The following SGCD variants were observed in gnomAD, a reference collection of about 807,000 sequenced individuals.
The protein encoded by SGCD is delta-sarcoglycan.
In SGCD, 18 loss-of-function variants were observed where a neutral mutation model predicts 36.6. The ratio of observed to expected loss-of-function variants is 0.49; its 90% CI spans 0.34 to 0.73. The LOEUF is 0.73. SGCD is among the 30% of genes least tolerant of loss of function. The pLI, the probability that SGCD is intolerant of heterozygous loss-of-function variation, is 0.01. For synonymous variants in SGCD, 133 were observed against 130.6 expected (o/e 1.02, Z -0.12); for missense variants, 387 against 346.7 (o/e 1.12, Z -0.92).
At chr5:156,140,993 G>A (rs1762566948) in intron 3 of SGCD, among the ~76,000 whole-genome samples, 1 of 152,174 alleles carries the variant, frequency 6.6e-6, no homozygotes, top group Non-Finnish European at 1.5e-5. Context: ...CTTGAGGCTT[G>A]CTGCCCAGGG....
At chr5:156,709,273 C>T (rs1188968010) in intron 7 of SGCD, among the ~76,000 whole-genome samples, 1 of 152,168 alleles carries the variant, frequency 6.6e-6, no homozygotes, top group Non-Finnish European at 1.5e-5. Context: ...AGAGTATTTC[C>T]ACTGTGAGCA....
chr5:155,849,142 T>C, the SGCD span, among the ~76,000 whole-genome samples: 16 of 152,292 alleles, frequency 1.1e-4, no homozygotes, highest in South Asian at 3.3e-3. Flanking sequence ...CCTCAAGTTC[T>C]GCACATTTAA....
intron 7 of SGCD, among the ~76,000 whole-genome samples, chr5:156,677,892 GCCAGAAAGAGTGAAACACCTATCT>G (rs778765199): frequency 4.6e-5 from 7 of 152,128 alleles, no homozygotes; most frequent in Admixed American, 6.5e-5. Flanking sequence ...ACTAGAAATA[GCCAGAAAGAGTGAAACACCTATCT>G]CCATGGCCTT....
At chr5:156,212,066 T>C (rs1169877223) in intron 3 of SGCD, among the ~76,000 whole-genome samples, 4 of 152,002 alleles carry the variant, frequency 2.6e-5, no homozygotes, top group Admixed American at 2.0e-4. Context: ...AATCACCTAA[T>C]CACAAAGGAA....
At chr5:156,459,386 C>G (rs1754390559) in intron 3 of SGCD, among the ~76,000 whole-genome samples, 1 of 152,154 alleles carries the variant, frequency 6.6e-6, no homozygotes, top group African/African-American at 2.4e-5. Flanking sequence ...CTTCTGTGTG[C>G]ATGAGAATCA....
At chr5:156,437,458 G>A (rs907492693) in intron 3 of SGCD, among the ~76,000 whole-genome samples, 2 of 152,076 alleles carry the variant, frequency 1.3e-5, no homozygotes, top group African/African-American at 2.4e-5. Context: ...TTGAAATCAC[G>A]CCCTGAGCTA....
At chr5:155,801,233 G>A in the SGCD span, among the ~76,000 whole-genome samples, 1 of 152,092 alleles carries the variant, frequency 6.6e-6, no homozygotes, top group Non-Finnish European at 1.5e-5. Context: ...AAAAAACAAA[G>A]ACATTTCTTG....
At chr5:156,007,836 G>A (rs1415905725) in intron 1 of SGCD, among the ~76,000 whole-genome samples, 1 of 152,214 alleles carries the variant, frequency 6.6e-6, no homozygotes, top group Admixed American at 6.5e-5. Context: ...CTGGAAGAGG[G>A]AGAGAATACA....
intron 4 of SGCD, among the ~76,000 whole-genome samples, chr5:156,513,432 C>T (rs1471903459): frequency 1.3e-5 from 2 of 152,156 alleles, no homozygotes; most frequent in Non-Finnish European, 2.9e-5. Flanking sequence ...TGTAGACTAC[C>T]TCTGGGGGCC....
At chr5:156,243,689 G>C (rs1025104683) in intron 3 of SGCD, among the ~76,000 whole-genome samples, 1 of 152,044 alleles carries the variant, frequency 6.6e-6, no homozygotes, top group Non-Finnish European at 1.5e-5. Context: ...AAGAACTAGG[G>C]GTCCCTGAGG....
At chr5:156,527,270 G>A (rs1316902173) in intron 4 of SGCD, among the ~76,000 whole-genome samples, 1 of 152,096 alleles carries the variant, frequency 6.6e-6, no homozygotes, top group Non-Finnish European at 1.5e-5. Flanking sequence ...AAGATATAAT[G>A]GGTTAAGATC....
upstream of SGCD, among the ~76,000 whole-genome samples, chr5:155,868,165 C>T (rs1375517865): frequency 1.3e-5 from 2 of 151,936 alleles, no homozygotes; most frequent in East Asian, 3.9e-4. Flanking sequence ...AATTCTTAGG[C>T]CTCAGCCTCC....
chr5:155,750,336 T>C, the SGCD span, among the ~76,000 whole-genome samples: 19 of 152,248 alleles, frequency 1.2e-4, no homozygotes, highest in Non-Finnish European at 2.1e-4. Context: ...AGAAAGTTAA[T>C]GCATTACTCA....
At chr5:156,335,699 G>T (rs1023652551) in intron 2 of SGCD, among the ~76,000 whole-genome samples, 1 of 152,082 alleles carries the variant, frequency 6.6e-6, no homozygotes, top group Admixed American at 6.5e-5. Context: ...GCTGTTCCCT[G>T]TGGGGTACCC....
chr5:156,107,943 G>A (rs927098594), intron 1 of SGCD, among the ~76,000 whole-genome samples: 4 of 152,146 alleles, frequency 2.6e-5, no homozygotes, highest in African/African-American at 9.6e-5. Flanking sequence ...CCTCTTGGTA[G>A]ATGTACATCT....
At chr5:155,784,191 G>C in the SGCD span, among the ~76,000 whole-genome samples, 1 of 152,130 alleles carries the variant, frequency 6.6e-6, no homozygotes, top group Non-Finnish European at 1.5e-5. Context: ...GGCCTTGAGG[G>C]TTACAGTGTT....
intron 1 of SGCD, among the ~76,000 whole-genome samples, chr5:156,033,638 G>A (rs1759414937): frequency 2.6e-5 from 4 of 152,204 alleles, no homozygotes; most frequent in African/African-American, 9.6e-5. Context: ...TAATGGAGGT[G>A]AAAGCCAAGG....
upstream of SGCD, among the ~76,000 whole-genome samples, chr5:155,869,565 C>T (rs1026973984): frequency 2.0e-5 from 3 of 152,202 alleles, no homozygotes; most frequent in Middle Eastern, 3.4e-3. Flanking sequence ...AGAGCCTGGG[C>T]GTTGCCATCA....
chr5:155,945,138 A>T (rs1757413822), intron 1 of SGCD, among the ~76,000 whole-genome samples: 1 of 152,200 alleles, frequency 6.6e-6, no homozygotes, highest in Admixed American at 6.5e-5. Flanking sequence ...TCTACAAATG[A>T]AAATTTTGAG....
Sources: gnomAD v4.1 joint callset for allele counts (sites outside exome capture counted in the v4.1 genomes callset) on GRCh38, gnomAD v4.1.1 for gene constraint, MANE v1.5 for transcripts, NCBI Gene and HGNC (gene_info 2026-07-23, HGNC 2026-07-21) for gene names.